PRIM2: variants seen among roughly 807,000 people sequenced by gnomAD.
The protein encoded by PRIM2 is DNA primase subunit 2.
A neutral mutation model predicts 67.3 loss-of-function variants in PRIM2; 39 were observed. The ratio of observed to expected loss-of-function variants is 0.58; its 90% confidence interval spans 0.45 to 0.76. The LOEUF is 0.76. Among genes scored for constraint, PRIM2 ranks in the 30% least tolerant of loss-of-function variants. PRIM2 has a pLI of 0.00. For synonymous variants in PRIM2, 143 were observed against 198.7 expected (o/e 0.72, Z 2.36); for missense variants, 398 against 598.7 (o/e 0.66, Z 3.50).
intron 7 of PRIM2, among the ~76,000 whole-genome samples, chr6:57,486,652 TC>T (rs1170707048): frequency 2.2e-4 from 33 of 152,188 alleles, no homozygotes; most frequent in African/African-American, 7.7e-4. Flanking sequence ...CATGTTCAAC[TC>T]CCCCAACAGT....
chr6:57,432,269 T>C lies in PRIM2; in HGVS notation c.693+50101T>C, dbSNP rs549784540. 5.1e-4 allele frequency among the ~76,000 whole-genome samples: 78 copies of C among 152,306 alleles called. 1 individual carries two copies. In the South Asian group the frequency reaches 0.015, roughly 29 times the overall value. On this transcript the variant is annotated intron_variant, in intron 7 of 13. Transcript: ENST00000615550. ...TAATTACTTTCATGAAAGGAATTTGTTTAGATTCTACTGAAAATGGCAAAG... is the reference window on the plus strand; with the variant it reads ...TAATTACTTTCATGAAAGGAATTTGCTTAGATTCTACTGAAAATGGCAAAG...
At chr6:57,312,299 A>G (rs1767406120), upstream of PRIM2, among the ~76,000 whole-genome samples, 1 of 152,038 alleles carries the variant, frequency 6.6e-6, no homozygotes, top group African/African-American at 2.4e-5. Context: ...CCAGAAGTTC[A>G]AGACCAGCCT....
At chr6:57,595,609 G>T (rs1776352116) in intron 10 of PRIM2, among the ~76,000 whole-genome samples, 2 of 152,110 alleles carry the variant, frequency 1.3e-5, no homozygotes, top group African/African-American at 4.8e-5. Flanking sequence ...CCCTTCTCAG[G>T]TTCAGTAATG....
At chr6:57,349,107 C>G (rs891299462) in intron 5 of PRIM2, among the ~76,000 whole-genome samples, 1 of 152,088 alleles carries the variant, frequency 6.6e-6, no homozygotes, top group African/African-American at 2.4e-5. Context: ...AAAAACTAAA[C>G]TGTTTCTAAT....
chr6:57,264,852 T>C, the PRIM2 span, among the ~76,000 whole-genome samples: 1 of 152,166 alleles, frequency 6.6e-6, no homozygotes, highest in Admixed American at 6.5e-5. Context: ...CACTGGCAGA[T>C]CTTGTTTGTC....
At chr6:57,224,145 A>C in the PRIM2 span, among the ~76,000 whole-genome samples, 1 of 152,200 alleles carries the variant, frequency 6.6e-6, no homozygotes. Context: ...CAGCCTTAAA[A>C]AAGGAGGGAC....
Position 57,626,062 on chromosome 6 carries a change from T to A in PRIM2, c.1231-6071T>A, listed in dbSNP as rs1217791336. On this transcript the variant is annotated intron_variant, in intron 12 of 13. Transcript: ENST00000615550. ...AGGAAGAAGCAAGCTTGTTATCACT[T>A]TTAAATAAGACAAAACATGACCTTG... Among the ~76,000 whole-genome samples, 1,177 of 152,348 alleles carry A rather than the reference T, an allele frequency of 7.7e-3. 20 individuals are homozygous for A. Among genetic ancestry groups the A allele is most frequent in the African/African-American group, 0.027 (1,122 of 41,564 alleles).
At chr6:57,228,882 A>G in the PRIM2 span, among the ~76,000 whole-genome samples, 3 of 152,356 alleles carry the variant, frequency 2.0e-5, no homozygotes, top group East Asian at 3.9e-4. Context: ...GAAGAGTGTA[A>G]GCCCTCAAAA....
the PRIM2 span, among the ~76,000 whole-genome samples, chr6:57,276,797 G>A: frequency 1.3e-5 from 2 of 151,512 alleles, no homozygotes; most frequent in Non-Finnish European, 2.9e-5. Flanking sequence ...GCTCAGGTGG[G>A]AGAATGGCTT....
At chr6:57,642,731 ACG>A (rs1777268359) in intron 13 of PRIM2, among the ~76,000 whole-genome samples, 1 of 151,600 alleles carries the variant, frequency 6.6e-6, no homozygotes, top group South Asian at 2.1e-4. Context: ...GTGAGCCACC[ACG>A]CCCAGCCCCT....
At chr6:57,255,445 C>A in the PRIM2 span, among the ~76,000 whole-genome samples, 6 of 150,758 alleles carry the variant, frequency 4.0e-5, no homozygotes, top group African/African-American at 1.5e-4. Flanking sequence ...TTGCAGTGAG[C>A]TGAGATCCCG....
chr6:57,629,171 A>G (rs1318058642), intron 12 of PRIM2, among the ~76,000 whole-genome samples: 1 of 152,202 alleles, frequency 6.6e-6, no homozygotes, highest in African/African-American at 2.4e-5. Context: ...AACAAAGTGC[A>G]GAAGAAGTCT....
intron 10 of PRIM2, among the ~76,000 whole-genome samples, chr6:57,566,239 T>C (rs1775737902): frequency 6.6e-6 from 1 of 151,952 alleles, no homozygotes; most frequent in Non-Finnish European, 1.5e-5. Context: ...GCGCAACCTT[T>C]TTGGCAAGAA....
chr6:57,427,110 A>T (rs1771658392), intron 7 of PRIM2, among the ~76,000 whole-genome samples: 1 of 152,152 alleles, frequency 6.6e-6, no homozygotes, highest in Admixed American at 6.6e-5. Flanking sequence ...GAACTTCTTT[A>T]TCACCCTGGC....
At chr6:57,593,778 G>T (rs1776321799) in intron 10 of PRIM2, among the ~76,000 whole-genome samples, 1 of 152,218 alleles carries the variant, frequency 6.6e-6, no homozygotes. Flanking sequence ...TAGTTTGAAA[G>T]CTTAGTAAGA....
At chr6:57,248,332 A>G in the PRIM2 span, among the ~76,000 whole-genome samples, 8 of 152,308 alleles carry the variant, frequency 5.3e-5, no homozygotes, top group African/African-American at 1.9e-4. Context: ...AATTGTCTTT[A>G]GCTAGCAATA....
intron 7 of PRIM2, among the ~76,000 whole-genome samples, chr6:57,433,578 AG>A (rs1771904508): frequency 6.6e-6 from 1 of 152,190 alleles, no homozygotes; most frequent in Non-Finnish European, 1.5e-5. Flanking sequence ...AGTATGAAGC[AG>A]AAGTTACTAA....
At chr6:57,564,553 T>C (rs1334475875) in intron 10 of PRIM2, among the ~76,000 whole-genome samples, 36 of 152,312 alleles carry the variant, frequency 2.4e-4, no homozygotes, top group African/African-American at 7.9e-4. Context: ...TTTGGTTTGT[T>C]TGTTTACTTT....
chr6:57,633,007 G>A (rs1389070036), intron 13 of PRIM2, among the ~76,000 whole-genome samples: 1 of 152,200 alleles, frequency 6.6e-6, no homozygotes, highest in African/African-American at 2.4e-5. Flanking sequence ...AGTGTGTAAA[G>A]CCAATGTCAC....
Sources: gnomAD v4.1 joint callset for allele counts (sites outside exome capture counted in the v4.1 genomes callset) on GRCh38, gnomAD v4.1.1 for gene constraint, MANE v1.5 for transcripts, NCBI Gene and HGNC (gene_info 2026-07-23, HGNC 2026-07-21) for gene names.